Variants in LINGO2 observed in about 807,000 individuals in gnomAD.
LINGO2 encodes the protein leucine rich repeat and Ig domain containing 2.
A neutral mutation model predicts 30.6 loss-of-function variants in LINGO2; 14 were observed. The observed-to-expected ratio is 0.46, with a 90% CI of 0.30 to 0.72. LINGO2 has a LOEUF of 0.72. Ranked by LOEUF, LINGO2 falls within the 30% of genes least tolerant of loss-of-function variation. The probability of loss-of-function intolerance (pLI) is 0.07; values close to 1 mark genes in which losing one functional copy is unlikely to be tolerated. For synonymous variants in LINGO2, 317 were observed against 288.5 expected (o/e 1.10, Z -1.00); for missense variants, 729 against 751.7 (o/e 0.97, Z 0.35).
intron 3 of LINGO2, among the ~76,000 whole-genome samples, chr9:28,339,590 A>G (rs937174368): frequency 3.9e-5 from 6 of 152,164 alleles, no homozygotes; most frequent in Admixed American, 3.9e-4. Flanking sequence ...TTCTGAACCT[A>G]ACTTAAATTA....
the LINGO2 span, among the ~76,000 whole-genome samples, chr9:28,757,305 C>A: frequency 6.6e-6 from 1 of 151,974 alleles, no homozygotes; most frequent in East Asian, 1.9e-4. Context: ...ATTTCATTTT[C>A]AGAACCTCTC....
chr9:28,475,623 T>C (rs1244265109), intron 2 of LINGO2, among the ~76,000 whole-genome samples: 2 of 152,172 alleles, frequency 1.3e-5, no homozygotes, highest in African/African-American at 4.8e-5. Context: ...ATATGCAATG[T>C]CTTAGTTAAT....
intron 4 of LINGO2, among the ~76,000 whole-genome samples, chr9:28,290,552 T>C (rs1343331603): frequency 2.0e-5 from 3 of 152,138 alleles, no homozygotes; most frequent in Admixed American, 2.0e-4. Context: ...AATTGGGTGC[T>C]ACAGCTGAGG....
intron 4 of LINGO2, among the ~76,000 whole-genome samples, chr9:28,262,181 T>C (rs1822586955): frequency 6.6e-6 from 1 of 151,932 alleles, no homozygotes; most frequent in Non-Finnish European, 1.5e-5. Context: ...GGTACTTACT[T>C]GTTTGAGTTG....
chr9:28,849,098 T>C, the LINGO2 span, among the ~76,000 whole-genome samples: 1 of 152,162 alleles, frequency 6.6e-6, no homozygotes, highest in African/African-American at 2.4e-5. Context: ...ACTTTCAACA[T>C]CCACTCTAGA....
chr9:28,538,629 G>A (rs943285825), intron 1 of LINGO2, among the ~76,000 whole-genome samples: 3 of 152,088 alleles, frequency 2.0e-5, no homozygotes, highest in African/African-American at 7.2e-5. Context: ...AGGCTACGAA[G>A]TCCAAGTTTA....
chr9:28,017,741 C>A (rs1290990874), intron 4 of LINGO2, among the ~76,000 whole-genome samples: 1 of 152,142 alleles, frequency 6.6e-6, no homozygotes, highest in Non-Finnish European at 1.5e-5. Context: ...ATTCCATGCT[C>A]ATGGATAGGA....
the LINGO2 span, among the ~76,000 whole-genome samples, chr9:28,821,704 G>T: frequency 6.6e-6 from 1 of 152,220 alleles, no homozygotes; most frequent in Admixed American, 6.5e-5. Flanking sequence ...ACAGAGTAAA[G>T]AAACCATGTG....
At chr9:28,937,657 T>C in the LINGO2 span, among the ~76,000 whole-genome samples, 2 of 152,112 alleles carry the variant, frequency 1.3e-5, no homozygotes, top group African/African-American at 4.8e-5. Context: ...CCTCATCCTC[T>C]GAAACCAAGG....
chr9:28,872,115 TAGAG>T, the LINGO2 span, among the ~76,000 whole-genome samples: 2 of 151,820 alleles, frequency 1.3e-5, no homozygotes, highest in East Asian at 3.9e-4. Flanking sequence ...ACCATAAAAC[TAGAG>T]AGAAAGAAAC....
At chr9:28,674,607 A>G (rs182180484), upstream of LINGO2, among the ~76,000 whole-genome samples, 522 of 152,266 alleles carry the variant, frequency 3.4e-3, 3 homozygotes, top group Non-Finnish European at 5.4e-3. Context: ...AAGGTGGGGA[A>G]AAAGGGAGAA....
chr9:28,872,429 T>TA, the LINGO2 span, among the ~76,000 whole-genome samples: 13 of 152,234 alleles, frequency 8.5e-5, no homozygotes, highest in Admixed American at 8.5e-4. Context: ...AATTAAACTA[T>TA]AATGGGGCAA....
intron 2 of LINGO2, among the ~76,000 whole-genome samples, chr9:28,411,566 T>A (rs967968230): frequency 1.3e-5 from 2 of 152,124 alleles, no homozygotes; most frequent in African/African-American, 4.8e-5. Context: ...CAACTCTAGG[T>A]ACCTCATATA....
chr9:29,040,090 C>T, the LINGO2 span, among the ~76,000 whole-genome samples: 1 of 151,912 alleles, frequency 6.6e-6, no homozygotes, highest in Non-Finnish European at 1.5e-5. Context: ...ATTATTTGTT[C>T]CCTAATTCTG....
At chr9:27,990,643 C>T (rs1056368106) in intron 5 of LINGO2, among the ~76,000 whole-genome samples, 1 of 151,728 alleles carries the variant, frequency 6.6e-6, no homozygotes, top group South Asian at 2.1e-4. Flanking sequence ...AGAAAAAATA[C>T]CCTTATTTCA....
the LINGO2 span, among the ~76,000 whole-genome samples, chr9:29,060,134 G>C: frequency 1.3e-5 from 2 of 151,978 alleles, no homozygotes; most frequent in Admixed American, 6.6e-5. Flanking sequence ...TCTAAAGACT[G>C]TTCAGCAGCA....
chr9:28,397,402 T>C (rs1423443136), intron 2 of LINGO2, among the ~76,000 whole-genome samples: 1 of 149,804 alleles, frequency 6.7e-6, no homozygotes, highest in Non-Finnish European at 1.5e-5. Context: ...CATTATGGTA[T>C]GGATAAATCT....
intron 2 of LINGO2, among the ~76,000 whole-genome samples, chr9:28,420,022 A>G (rs7041128): frequency 0.47 from 70,604 of 151,784 alleles, 16,695 homozygotes; most frequent in Admixed American, 0.51. Context: ...TGGCAGTGCT[A>G]TAGTATATCA....
intron 4 of LINGO2, among the ~76,000 whole-genome samples, chr9:28,170,173 ATG>A (rs1315901084): frequency 6.6e-6 from 1 of 152,214 alleles, no homozygotes; most frequent in Non-Finnish European, 1.5e-5. Flanking sequence ...ATAAATAAAT[ATG>A]TGAGCTAGGA....
Sources: allele counts gnomAD v4.1 joint callset (sites outside exome capture counted in the v4.1 genomes callset), GRCh38; gene constraint gnomAD v4.1.1; transcripts MANE v1.5; gene names NCBI Gene and HGNC (gene_info 2026-07-23, HGNC 2026-07-21).